PTPRS: variants seen among roughly 807,000 people sequenced by gnomAD.
The protein encoded by PTPRS is protein tyrosine phosphatase receptor type S.
Under a neutral mutation model 215.3 loss-of-function variants are expected in PTPRS, and 63 were observed. The observed-to-expected ratio is 0.29, with a 90% CI of 0.24 to 0.36. PTPRS has a LOEUF of 0.36. Ranked by LOEUF, PTPRS falls within the 10% of genes least tolerant of loss-of-function variation. PTPRS has a pLI of 1.00. For missense variants in PTPRS, 2,258 were observed against 2,825.8 expected, an observed-to-expected ratio of 0.80 and a Z score of 4.56; for synonymous variants, 1,404 against 1,191.4, an observed-to-expected ratio of 1.18 and a Z score of -3.68.
chr19:5,243,070 C>T (rs2044178621), intron 11 of PTPRS, among the ~76,000 whole-genome samples: 1 of 151,810 alleles, frequency 6.6e-6, no homozygotes, highest in Non-Finnish European at 1.5e-5. Flanking sequence ...CCTCCTGCGT[C>T]TGCCTCTTGA....
At chr19:5,298,458 T>C (rs945191709) in intron 1 of PTPRS, among the ~76,000 whole-genome samples, 3 of 152,224 alleles carry the variant, frequency 2.0e-5, no homozygotes, top group African/African-American at 7.2e-5. Flanking sequence ...AGACATTTCA[T>C]TTAGGTACAA....
chr19:5,332,547 C>A (rs2050361549), intron 1 of PTPRS, among the ~76,000 whole-genome samples: 1 of 152,172 alleles, frequency 6.6e-6, no homozygotes, highest in Admixed American at 6.5e-5. Flanking sequence ...TTGGCCCATA[C>A]GACCCGCTGG....
intron 1 of PTPRS, among the ~76,000 whole-genome samples, chr19:5,335,122 C>A (rs528696048): frequency 6.6e-6 from 1 of 152,348 alleles, no homozygotes; most frequent in East Asian, 1.9e-4. Context: ...ATCCTCCCAG[C>A]CTCTCTCCCC....
intron 17 of PTPRS, among the ~76,000 whole-genome samples, chr19:5,223,720 G>A (rs1001400657): frequency 4.6e-5 from 7 of 151,568 alleles, no homozygotes; most frequent in South Asian, 2.1e-4. Context: ...ACACCACCAC[G>A]CCTGGGTAAT....
chr19:5,210,261 G>C lies in PTPRS; in HGVS notation c.5487+208C>G, dbSNP rs1291832224. Among the ~76,000 whole-genome samples, 1 of 152,204 alleles carries C rather than the reference G, an allele frequency of 6.6e-6. No individual in the cohort carries two copies. Among genetic ancestry groups the C allele is most frequent in the Non-Finnish European group, 1.5e-5 (1 of 68,042 alleles). On this transcript the variant is annotated intron_variant, in intron 35 of 37. Transcript: ENST00000262963. This position sits in a 1 kb window ranked among gnomAD's most constrained non-coding sequence, Gnocchi z 4.5. ...CCTGGGGCCATGTTCCCTAGTGAGT[G>C]GAGACACTGCAGGGTCAGCACAGAG...
intron 2 of PTPRS, 65 bp downstream of exon 2, chr19:5,285,985 C>A: frequency 1.3e-6 from 2 of 1,488,024 alleles, no homozygotes; most frequent in South Asian, 2.4e-5. Context: ...CACACACACA[C>A]AGCCATAAAT....
At chr19:5,326,029 G>A (rs1220621662) in intron 1 of PTPRS, among the ~76,000 whole-genome samples, 1 of 152,134 alleles carries the variant, frequency 6.6e-6, no homozygotes, top group Non-Finnish European at 1.5e-5. Flanking sequence ...TCAGGAGTTC[G>A]AAACCAGCCT....
chr19:5,214,206 G>A lies in PTPRS; in HGVS notation c.4614+155C>T, dbSNP rs140769425. ...TCTGAGCCTCAGTTTCCCCCTCCAC[G>A]GAAGTGGGTTCCATGAGAATGTAGT... On this transcript the variant is annotated intron_variant, in intron 30 of 37. Coordinates refer to ENST00000262963, the MANE Select transcript of PTPRS (RefSeq NM_002850.4). Among the ~76,000 whole-genome samples, 926 of 152,324 alleles carry A rather than the reference G, an allele frequency of 6.1e-3. 8 individuals are homozygous for A. The highest frequency in any genetic ancestry group is 9.0e-3 in the Non-Finnish European group (612 of 68,028).
Position 5,214,354 on chromosome 19 carries a change from G to A in PTPRS, c.4614+7C>T. ...CCCTCAGCCCCCAGCCCCAGCCTGG[G>A]CCCCACCTTGTGCAGAGAGAATGTC... On this transcript the variant is annotated splice_region_variant and intron_variant, in intron 30 of 37. Coordinates refer to ENST00000262963, the MANE Select transcript of PTPRS (RefSeq NM_002850.4). The A allele has an allele frequency of 6.2e-7, 1 of 1,613,936 alleles. No homozygotes were observed. Among genetic ancestry groups the A allele is most frequent in the Non-Finnish European group, 8.5e-7 (1 of 1,180,008 alleles).
rs1415087226 is a variant in PTPRS at position 5,231,188 on chromosome 19, C to T, written c.2155+122G>A. On this transcript the variant is annotated intron_variant, in intron 14 of 37. Transcript: ENST00000262963. ...TTTCTCGGGGAGGCTGCTTGCTTCC[C>T]GACTTCCTCCGAGTGAGGCTTCCGC... is the stretch of plus-strand genomic sequence containing the variant. The T allele has an allele frequency of 1.1e-5, 12 of 1,106,838 alleles. No homozygotes were observed. The Admixed American group carries it at 1.5e-4, about 13-fold the overall frequency. 68.6% of individuals were successfully genotyped at this position (1,106,838 alleles called of 1,614,324 possible). A position where few individuals can be genotyped will look rare whatever the true frequency, so the allele number is the denominator to read the frequency against.
chr19:5,242,069 C>T (rs1298557722), intron 11 of PTPRS, among the ~76,000 whole-genome samples: 4 of 151,966 alleles, frequency 2.6e-5, no homozygotes, highest in East Asian at 3.9e-4. Context: ...CTCCTGACCT[C>T]GTGATCCACC....
At chr19:5,313,018 G>A (rs1421698845) in intron 1 of PTPRS, among the ~76,000 whole-genome samples, 3 of 152,168 alleles carry the variant, frequency 2.0e-5, no homozygotes, top group Middle Eastern at 3.2e-3. Flanking sequence ...GGGTTCAAGC[G>A]ATTCTCCTGC....
chr19:5,241,472 T>C (rs1568458647), intron 11 of PTPRS, among the ~76,000 whole-genome samples: 1 of 150,750 alleles, frequency 6.6e-6, no homozygotes, highest in Non-Finnish European at 1.5e-5. Flanking sequence ...TTTGTACACA[T>C]GAGGTCTTGC....
intron 1 of PTPRS, among the ~76,000 whole-genome samples, chr19:5,325,537 C>T (rs546946981): frequency 1.8e-3 from 271 of 152,348 alleles, no homozygotes; most frequent in Non-Finnish European, 3.4e-3. Context: ...CTCCACACCA[C>T]GACGGTTTCA....
chr19:5,253,295 C>G (rs567840901), intron 9 of PTPRS, among the ~76,000 whole-genome samples: 1 of 152,284 alleles, frequency 6.6e-6, no homozygotes, highest in South Asian at 2.1e-4. Context: ...CCCCCTGTAC[C>G]ACCCAGAGTC....
chr19:5,339,398 CCG>C lies in PTPRS; in HGVS notation c.-95+1264_-95+1265del, dbSNP rs200707036. ...TTTGAGACTGGGGAAAGAGGGTCAA[CCG>C]AAGAAGGAGGTCCCAGATTTGGGGC... On this transcript the variant is annotated intron_variant, in intron 1 of 37. Transcript: ENST00000262963. The surrounding 1 kb of genome is among the most constrained non-coding windows in gnomAD (Gnocchi z 4.2). Among the ~76,000 whole-genome samples the C allele has an allele frequency of 3.4e-3, 522 of 151,840 alleles. 2 individuals carry two copies. The highest frequency in any genetic ancestry group is 0.012 in the African/African-American group (483 of 41,388).
intron 9 of PTPRS, among the ~76,000 whole-genome samples, chr19:5,246,889 GAGAGAGAGAGAGAGAA>G (rs908583028): frequency 7.3e-5 from 11 of 149,882 alleles, no homozygotes; most frequent in African/African-American, 2.4e-4. Context: ...TAGATTGAGA[GAGAGAGAGAGAGAGAA>G]AGAGAGAGCG....
intron 1 of PTPRS, among the ~76,000 whole-genome samples, chr19:5,314,170 G>A (rs1349265728): frequency 2.0e-5 from 3 of 152,090 alleles, no homozygotes; most frequent in Non-Finnish European, 4.4e-5. Flanking sequence ...CTTCAGCTGA[G>A]TTCAGTGCCA....
Position 5,293,303 on chromosome 19 carries a change from C to A in PTPRS, c.-94-7069G>T, listed in dbSNP as rs532787232. Reference sequence around the variant, plus strand: ...CCTGGGGGCGGGGCAAGGGGCGGGGCTGTAGGGGGCGGGGTTGCAGTGGGC... The same window carrying A: ...CCTGGGGGCGGGGCAAGGGGCGGGGATGTAGGGGGCGGGGTTGCAGTGGGC... On this transcript the variant is annotated intron_variant, in intron 1 of 37. Transcript: ENST00000262963. This position sits in a 1 kb window ranked among gnomAD's most constrained non-coding sequence, Gnocchi z 8.4. The A allele has an allele frequency of 8.0e-6, 1 of 124,310 alleles. No homozygotes were observed. Among genetic ancestry groups the A allele is most frequent in the Non-Finnish European group, 1.7e-5 (1 of 58,108 alleles). 7.7% of individuals were successfully genotyped at this position (124,310 alleles called of 1,614,324 possible).
Sources: allele counts gnomAD v4.1 joint callset (sites outside exome capture counted in the v4.1 genomes callset), GRCh38; gene constraint gnomAD v4.1.1; non-coding constraint Gnocchi (gnomAD v3.1); transcripts MANE v1.5; gene names NCBI Gene and HGNC (gene_info 2026-07-23, HGNC 2026-07-21).